ZNF385D: variants seen among roughly 807,000 people sequenced by gnomAD.
ZNF385D encodes the protein zinc finger protein 659.
In ZNF385D, 15 loss-of-function variants were observed where a neutral mutation model predicts 35.8. That is an observed-to-expected ratio of 0.42 (90% CI 0.28 to 0.64). The LOEUF is 0.64. ZNF385D is among the 30% of genes least tolerant of loss of function. The probability of loss-of-function intolerance (pLI) is 0.23; values close to 1 mark genes in which losing one functional copy is unlikely to be tolerated. For synonymous variants in ZNF385D, 212 were observed against 186.8 expected, an observed-to-expected ratio of 1.13 and a Z score of -1.10; for missense variants, 474 against 494.6, an observed-to-expected ratio of 0.96 and a Z score of 0.39.
At chr3:21,917,672 A>G (rs754796509) in intron 3 of ZNF385D, among the ~76,000 whole-genome samples, 3 of 152,212 alleles carry the variant, frequency 2.0e-5, no homozygotes, top group Non-Finnish European at 4.4e-5. Flanking sequence ...AGGAACAGAA[A>G]AAAATTTGTC....
At chr3:21,754,701 A>G (rs1335679597), upstream of ZNF385D, among the ~76,000 whole-genome samples, 1 of 151,806 alleles carries the variant, frequency 6.6e-6, no homozygotes, top group African/African-American at 2.4e-5. Context: ...CATGGCAACT[A>G]TCATCATCTG....
intron 3 of ZNF385D, among the ~76,000 whole-genome samples, chr3:21,883,648 C>G (rs259558): frequency 6.6e-6 from 1 of 151,920 alleles, no homozygotes; most frequent in Admixed American, 6.6e-5. Flanking sequence ...ATGAGAAATG[C>G]GTTTTGTTGA....
rs184388217 is a variant in ZNF385D at position 22,087,716 on chromosome 3, G to T, written c.325+81101C>A. ...GTTAATTATTTTTATTTTGGGTTTT[G>T]TTACTTGAAGTCAAGCTTTTCTTAT... On this transcript the variant is annotated intron_variant, in intron 3 of 5. Transcript: ENST00000494108. 1.4e-4 allele frequency among the ~76,000 whole-genome samples: 21 copies of T among 152,110 alleles called. No homozygotes were observed. In the East Asian group the frequency reaches 2.5e-3, roughly 18 times the overall value.
chr3:22,110,339 A>C (rs372373857), intron 3 of ZNF385D, among the ~76,000 whole-genome samples: 1 of 151,890 alleles, frequency 6.6e-6, no homozygotes, highest in African/African-American at 2.4e-5. Flanking sequence ...ACATGCACAC[A>C]TATGTTTATT....
intron 2 of ZNF385D, among the ~76,000 whole-genome samples, chr3:22,187,593 G>T (rs1022249342): frequency 4.6e-5 from 7 of 151,450 alleles, no homozygotes; most frequent in Non-Finnish European, 1.0e-4. Flanking sequence ...AAACCAGAAG[G>T]GAACAAAGTT....
chr3:21,921,452 C>G (rs377344020), intron 3 of ZNF385D, among the ~76,000 whole-genome samples: 1 of 152,164 alleles, frequency 6.6e-6, no homozygotes, highest in African/African-American at 2.4e-5. Flanking sequence ...TGTCACATTA[C>G]TTAAAGACAA....
At chr3:21,954,673 G>A (rs1016298645) in intron 3 of ZNF385D, among the ~76,000 whole-genome samples, 3 of 152,020 alleles carry the variant, frequency 2.0e-5, no homozygotes, top group African/African-American at 2.4e-5. Context: ...TTAACTGAAG[G>A]TAAAACATTA....
At chr3:21,702,322 G>T (rs1468984566) in intron 1 of ZNF385D, among the ~76,000 whole-genome samples, 6 of 152,224 alleles carry the variant, frequency 3.9e-5, no homozygotes, top group Non-Finnish European at 7.3e-5. Flanking sequence ...CACAGCCTGA[G>T]CTCTACATTG....
At chr3:21,614,758 T>G (rs1332959469) in intron 2 of ZNF385D, among the ~76,000 whole-genome samples, 9 of 152,150 alleles carry the variant, frequency 5.9e-5, no homozygotes, top group African/African-American at 1.9e-4. Context: ...CCAGCTAATT[T>G]TTCTATTTTT....
intron 3 of ZNF385D, among the ~76,000 whole-genome samples, chr3:22,050,409 A>AAC (rs1488775208): frequency 6.6e-6 from 1 of 152,120 alleles, no homozygotes; most frequent in Non-Finnish European, 1.5e-5. Context: ...ACAACAAGAA[A>AAC]ACACACACAC....
intron 2 of ZNF385D, among the ~76,000 whole-genome samples, chr3:21,599,039 A>G (rs1398553103): frequency 1.3e-5 from 2 of 152,344 alleles, no homozygotes; most frequent in Middle Eastern, 3.4e-3. Context: ...GTGACTTCCA[A>G]ATAAACTTCA....
chr3:21,983,668 G>T (rs62248413), intron 3 of ZNF385D, among the ~76,000 whole-genome samples: 5 of 76,118 alleles, frequency 6.6e-5, no homozygotes, highest in African/African-American at 2.5e-4. Flanking sequence ...ATAGTCATTT[G>T]GGTATATACC....
chr3:22,372,643 G>A (rs1696964151), exon 2 of ZNF385D: 3 of 326,602 alleles, frequency 9.2e-6, no homozygotes, highest in African/African-American at 4.5e-5. Context: ...GCCGCGAGCC[G>A]TGAGCGGCGG....
At chr3:21,909,671 G>A (rs1459618275) in intron 3 of ZNF385D, among the ~76,000 whole-genome samples, 7 of 151,996 alleles carry the variant, frequency 4.6e-5, no homozygotes, top group Admixed American at 3.3e-4. Context: ...AATAGCATAG[G>A]CTTGGTAGAC....
At chr3:21,536,335 C>T (rs1667108458) in intron 3 of ZNF385D, among the ~76,000 whole-genome samples, 1 of 152,018 alleles carries the variant, frequency 6.6e-6, no homozygotes, top group South Asian at 2.1e-4. Flanking sequence ...GGAGTAAGTT[C>T]ACAGGAAGAA....
At chr3:22,045,578 C>T (rs1698945937) in intron 3 of ZNF385D, among the ~76,000 whole-genome samples, 2 of 152,144 alleles carry the variant, frequency 1.3e-5, no homozygotes, top group African/African-American at 4.8e-5. Flanking sequence ...TGCTACTTTT[C>T]ACCCTTAACA....
rs1275041078 is a variant in ZNF385D at position 22,219,630 on chromosome 3, T to G, written c.107-50595A>C. Among the ~76,000 whole-genome samples, 4 of 152,222 alleles carry G rather than the reference T, an allele frequency of 2.6e-5. No homozygotes were observed. The South Asian group carries it at 8.3e-4, about 31-fold the overall frequency. On this transcript the variant is annotated intron_variant, in intron 2 of 5. Coordinates refer to the ZNF385D transcript ENST00000494108. Reference sequence around the variant, plus strand: ...GATGTGTTTTGGTGTTCAGAATATTTCAGGTTTCATAAAGGTAACTGAGAT... The same window carrying G: ...GATGTGTTTTGGTGTTCAGAATATTGCAGGTTTCATAAAGGTAACTGAGAT...
chr3:21,622,174 A>G (rs2065027176), intron 2 of ZNF385D, among the ~76,000 whole-genome samples: 1 of 152,164 alleles, frequency 6.6e-6, no homozygotes, highest in South Asian at 2.1e-4. Context: ...TAGATAAAAG[A>G]TGAATCTATT....
chr3:22,184,136 G>A (rs2125783854), intron 2 of ZNF385D, among the ~76,000 whole-genome samples: 1 of 152,220 alleles, frequency 6.6e-6, no homozygotes, highest in East Asian at 1.9e-4. Context: ...ACTGTAACAT[G>A]TTCAAGTTGT....
Sources: allele counts gnomAD v4.1 joint callset (sites outside exome capture counted in the v4.1 genomes callset), GRCh38; gene constraint gnomAD v4.1.1; transcripts MANE v1.5; gene names NCBI Gene and HGNC (gene_info 2026-07-23, HGNC 2026-07-21).